The following MYOZ2 variants were observed in gnomAD, a reference collection of about 807,000 sequenced individuals.
MYOZ2 encodes the protein myozenin 2.
In MYOZ2, 19 loss-of-function variants were observed where a neutral mutation model predicts 25.4. The ratio of observed to expected loss-of-function variants is 0.75; its 90% CI spans 0.52 to 1.10. The LOEUF is 1.10. Ranked by LOEUF, MYOZ2 falls within the 50% of genes least tolerant of loss-of-function variation. The pLI is 0.00. For synonymous variants in MYOZ2, 92 were observed against 106.9 expected, an observed-to-expected ratio of 0.86 and a Z score of 0.86; for missense variants, 270 against 317.9, an observed-to-expected ratio of 0.85 and a Z score of 1.15.
intron 2 of MYOZ2, among the ~76,000 whole-genome samples, chr4:119,139,016 TA>T (rs1430845913): frequency 6.6e-6 from 1 of 152,206 alleles, no homozygotes; most frequent in African/African-American, 2.4e-5. Flanking sequence ...ATATAGATTA[TA>T]ATGCTAACTG....
intron 4 of MYOZ2, among the ~76,000 whole-genome samples, chr4:119,162,042 G>A (rs4458436): frequency 0.96 from 145,574 of 152,236 alleles, 69,636 homozygotes; most frequent in East Asian, 0.99. Flanking sequence ...ATAGAATTAC[G>A]TATAATATAC....
At chr4:119,173,747 C>A (rs149265416) in intron 5 of MYOZ2, among the ~76,000 whole-genome samples, 1 of 152,194 alleles carries the variant, frequency 6.6e-6, no homozygotes, top group African/African-American at 2.4e-5. Context: ...ACAAGGCCGG[C>A]GCCCACTCCC....
intron 2 of MYOZ2, among the ~76,000 whole-genome samples, chr4:119,136,898 G>C (rs1309318634): frequency 7.0e-6 from 1 of 142,646 alleles, no homozygotes; most frequent in African/African-American, 2.5e-5. Flanking sequence ...GATCACTCTC[G>C]ATTCTTTTTT....
intron 2 of MYOZ2, among the ~76,000 whole-genome samples, chr4:119,143,903 T>C (rs946467284): frequency 5.9e-5 from 9 of 152,220 alleles, no homozygotes; most frequent in Non-Finnish European, 1.3e-4. Flanking sequence ...ATTTTTTATT[T>C]TGAGTTTTTT....
chr4:119,158,238 T>G, intron 4 of MYOZ2, 87 bp downstream of exon 4: 1 of 1,497,276 alleles, frequency 6.7e-7, no homozygotes, highest in Non-Finnish European at 9.2e-7. Flanking sequence ...TATTGAATAG[T>G]ATTTAAATAA....
At chr4:119,147,806 T>C (rs114076255) in intron 2 of MYOZ2, among the ~76,000 whole-genome samples, 2,890 of 152,198 alleles carry the variant, frequency 0.019, 98 homozygotes, top group African/African-American at 0.066. Context: ...ATAATTGTCT[T>C]AAGTATTTCT....
intron 4 of MYOZ2, among the ~76,000 whole-genome samples, chr4:119,163,846 A>G (rs1217103837): frequency 2.0e-5 from 3 of 152,154 alleles, no homozygotes; most frequent in African/African-American, 7.2e-5. Context: ...CAATATTAAC[A>G]TTTTTAAATT....
chr4:119,164,324 G>C lies in MYOZ2; in HGVS notation c.490G>C (p.Glu164Gln). ...QAISNDPELL[E>Q]ALYPKLFKPE... ...CATTAGCAATGATCCGGAGCTTTTA[G>C]AGGCTTTATATCCTAAACTTTTCAA... The change falls in exon 5 of 6, where the codon GAG (glutamate) becomes CAG (glutamine). Residue 164 changes from glutamate (E) to glutamine (Q), a missense_variant. Transcript: ENST00000307128. 1.2e-6 allele frequency: 2 copies of C among 1,614,108 alleles called. No homozygotes were observed. Among genetic ancestry groups the C allele is most frequent in the Non-Finnish European group, 1.7e-6 (2 of 1,179,990 alleles).
chr4:119,152,208 G>GAATGATTT (rs1741471140), intron 3 of MYOZ2, among the ~76,000 whole-genome samples: 1 of 110,912 alleles, frequency 9.0e-6, no homozygotes, highest in East Asian at 2.6e-4. Flanking sequence ...TACTTGTGAA[G>GAATGATTT]AATGATTTTT....
intron 2 of MYOZ2, among the ~76,000 whole-genome samples, chr4:119,150,139 AC>A (rs1741414153): frequency 6.6e-6 from 1 of 152,112 alleles, no homozygotes; most frequent in South Asian, 2.1e-4. Context: ...AGGAAATAAC[AC>A]TCATTTACTG....
At position 119,186,093 on chromosome 4, in the gene MYOZ2, C is replaced by A. The variant is rs372215131; in HGVS notation, c.688C>A (p.Arg230=). The A allele has an allele frequency of 3.1e-6, 5 of 1,613,770 alleles. No homozygotes were observed. The East Asian group carries it at 8.9e-5, about 29-fold the overall frequency. The change falls in exon 6 of 6, where the codon CGG becomes AGG. Residue 230 remains arginine, a synonymous_variant. Coordinates refer to ENST00000307128, the MANE Select transcript of MYOZ2 (RefSeq NM_016599.5). ...MSFVNPLSGR[R]SFNRTPKGWI... is the part of the protein sequence containing the mutation. ...CTTTGTCAATCCCCTTTCTGGCAGACGGTCCTTTAATAGGACTCCTAAGGG... is the reference window on the plus strand; with the variant it reads ...CTTTGTCAATCCCCTTTCTGGCAGAAGGTCCTTTAATAGGACTCCTAAGGG...
intron 2 of MYOZ2, among the ~76,000 whole-genome samples, chr4:119,143,708 C>G (rs1741224804): frequency 6.6e-6 from 1 of 152,214 alleles, no homozygotes; most frequent in African/African-American, 2.4e-5. Flanking sequence ...ATCCGTCTCT[C>G]TCTACCTCCT....
intron 3 of MYOZ2, among the ~76,000 whole-genome samples, chr4:119,153,897 C>T (rs4257639): frequency 0.04 from 6,074 of 152,100 alleles, 430 homozygotes; most frequent in African/African-American, 0.14. Flanking sequence ...AGTTCATAAA[C>T]TATTTTTTAA....
At chr4:119,145,138 T>G (rs919826509) in intron 2 of MYOZ2, among the ~76,000 whole-genome samples, 1 of 152,126 alleles carries the variant, frequency 6.6e-6, no homozygotes, top group African/African-American at 2.4e-5. Context: ...CTTAGCCTAT[T>G]AACATAGTGA....
chr4:119,145,508 G>C lies in MYOZ2; in HGVS notation c.77-5364G>C, dbSNP rs541967334. Among the ~76,000 whole-genome samples the C allele has an allele frequency of 2.0e-3, 101 of 51,620 alleles. 1 individual carries two copies. Among genetic ancestry groups the C allele is most frequent in the African/African-American group, 9.2e-3 (91 of 9,844 alleles). The allele number at this position is 51,620 out of a possible 152,430, so 33.9% of individuals were successfully genotyped here. On this transcript the variant is annotated intron_variant, in intron 2 of 5. Transcript: ENST00000307128. The stretch of plus-strand genomic sequence containing the variant: ...CCCACCACCATGCCCAGCTAAAACT[G>C]TGTGTGTGTGTGTGTGTGTGTGTGT...
At chr4:119,159,011 A>C (rs1741647877) in intron 4 of MYOZ2, among the ~76,000 whole-genome samples, 1 of 152,196 alleles carries the variant, frequency 6.6e-6, no homozygotes, top group African/African-American at 2.4e-5. Flanking sequence ...TGGATACCCC[A>C]TTTATCCTGA....
chr4:119,140,848 A>C (rs900808308), intron 2 of MYOZ2, among the ~76,000 whole-genome samples: 2 of 152,194 alleles, frequency 1.3e-5, no homozygotes, highest in Admixed American at 6.6e-5. Flanking sequence ...ATTAATGACA[A>C]ATTTTTGAAA....
chr4:119,146,286 CT>C (rs564459547), intron 2 of MYOZ2, among the ~76,000 whole-genome samples: 324 of 146,390 alleles, frequency 2.2e-3, no homozygotes, highest in Non-Finnish European at 3.9e-3. Flanking sequence ...TTTTGTTCAT[CT>C]TTTTTTTTTA....
intron 5 of MYOZ2, among the ~76,000 whole-genome samples, chr4:119,166,409 G>A (rs1391727829): frequency 1.3e-5 from 2 of 151,878 alleles, no homozygotes; most frequent in Non-Finnish European, 2.9e-5. Flanking sequence ...CAAAAAGTGA[G>A]GCGAGAGGGT....
Sources: allele counts gnomAD v4.1 joint callset (sites outside exome capture counted in the v4.1 genomes callset), GRCh38; gene constraint gnomAD v4.1.1; transcripts MANE v1.5; gene names NCBI Gene and HGNC (gene_info 2026-07-23, HGNC 2026-07-21).